The following EPHB3 variants were observed in gnomAD, a reference collection of about 807,000 sequenced individuals.
EPHB3 encodes EPH receptor B3.
Under a neutral mutation model 100.2 loss-of-function variants are expected in EPHB3, and 33 were observed. That is an observed-to-expected ratio of 0.33 (90% CI 0.25 to 0.44). EPHB3 has a LOEUF of 0.44. EPHB3 is among the 20% of genes least tolerant of loss of function. EPHB3 has a pLI of 1.00. For missense variants in EPHB3, 1,045 were observed against 1,378.3 expected, an observed-to-expected ratio of 0.76 and a Z score of 3.83; for synonymous variants, 526 against 554.7, an observed-to-expected ratio of 0.95 and a Z score of 0.73.
intron 1 of EPHB3, among the ~76,000 whole-genome samples, chr3:184,568,515 G>A (rs1431384400): frequency 2.0e-5 from 3 of 152,118 alleles, no homozygotes; most frequent in Non-Finnish European, 4.4e-5. Flanking sequence ...GCACACACAT[G>A]CACACGCCGC....
intron 1 of EPHB3, among the ~76,000 whole-genome samples, chr3:184,564,002 C>T (rs111367076): frequency 0.013 from 2,026 of 152,268 alleles, 33 homozygotes; most frequent in African/African-American, 0.046. Flanking sequence ...TCTCCCTCCC[C>T]CCTTCCCTTC....
chr3:184,562,669 C>G lies in EPHB3; in HGVS notation c.118+316C>G, dbSNP rs1714287824. Among the ~76,000 whole-genome samples, 1 of 151,864 alleles carries G rather than the reference C, an allele frequency of 6.6e-6. No homozygotes were observed. Among genetic ancestry groups the G allele is most frequent in the Non-Finnish European group, 1.5e-5 (1 of 67,934 alleles). On this transcript the variant is annotated intron_variant, in intron 1 of 15. Coordinates refer to ENST00000330394, the MANE Select transcript of EPHB3 (RefSeq NM_004443.4). This position sits in a 1 kb window ranked among gnomAD's most constrained non-coding sequence, Gnocchi z 4.8. The stretch of plus-strand genomic sequence containing the variant: ...ACACTCACGGCAGAGAAGTGGGGCT[C>G]CCGGCACCCCCCGAAGTCGAGGACG...
Position 184,581,708 on chromosome 3 carries a change from T to G in EPHB3, c.*86T>G. ...TCGGACTCTTGGACTTTTGGATGCC[T>G]GGCCTTAGGCTGTGGCCCAGAAGCT... On this transcript the variant is annotated 3_prime_UTR_variant, in exon 16 of 16. Transcript: ENST00000330394. 3 of 1,320,740 alleles carry G rather than the reference T, an allele frequency of 2.3e-6. No homozygotes were observed. Among genetic ancestry groups the G allele is most frequent in the South Asian group, 3.0e-5 (2 of 66,026 alleles). 81.8% of individuals were successfully genotyped at this position (1,320,740 alleles called of 1,614,324 possible).
chr3:184,567,930 C>G (rs551706992), intron 1 of EPHB3, among the ~76,000 whole-genome samples: 1 of 152,200 alleles, frequency 6.6e-6, no homozygotes, highest in Non-Finnish European at 1.5e-5. Flanking sequence ...CTAAGGAAGA[C>G]TAATCTGTTT....
chr3:184,582,287 C>T lies in EPHB3; in HGVS notation c.*665C>T, dbSNP rs1300262857. The T allele has an allele frequency of 7.8e-5, 12 of 153,174 alleles. No individual in the cohort carries two copies. The highest frequency in any genetic ancestry group is 2.0e-4 in the South Asian group (1 of 4,934). The allele number at this position is 153,174 out of a possible 1,614,324, so 9.5% of individuals were successfully genotyped here. A position where few individuals can be genotyped will look rare whatever the true frequency, so the allele number is the denominator to read the frequency against. ...GTGTGTGTGTGTGTGTGCGCGCGCG[C>T]GCGCGTGTGTGTGTGCACGCACTGG... On this transcript the variant is annotated 3_prime_UTR_variant, in exon 16 of 16. Coordinates refer to ENST00000330394, the MANE Select transcript of EPHB3 (RefSeq NM_004443.4).
chr3:184,576,552 T>C (rs111611525), intron 4 of EPHB3, among the ~76,000 whole-genome samples: 2,470 of 152,306 alleles, frequency 0.016, 25 homozygotes, highest in South Asian at 0.031. Flanking sequence ...ATGACCGTAA[T>C]GTACTAAGAG....
At chr3:184,568,978 C>A (rs987204695) in intron 1 of EPHB3, among the ~76,000 whole-genome samples, 1 of 152,034 alleles carries the variant, frequency 6.6e-6, no homozygotes, top group African/African-American at 2.4e-5. Context: ...CGCCGCCTCT[C>A]CGCCGTCCCC....
At position 184,569,572 on chromosome 3, in the gene EPHB3, T is replaced by C. The variant is rs1410082514; in HGVS notation, c.119-1746T>C. On this transcript the variant is annotated intron_variant, in intron 1 of 15. Transcript: ENST00000330394. The surrounding 1 kb of genome is among the most constrained non-coding windows in gnomAD (Gnocchi z 5.4). ...CTGTGTCTGTCTGTCTGTCTGTCTG[T>C]CTGCCAGAGGCCAGGATCGCTCCCC... Among the ~76,000 whole-genome samples the C allele has an allele frequency of 1.3e-5, 2 of 152,172 alleles. No individual in the cohort carries two copies. The highest frequency in any genetic ancestry group is 2.9e-5 in the Non-Finnish European group (2 of 68,028).
Position 184,568,596 on chromosome 3 carries a change from C to G in EPHB3, c.119-2722C>G, listed in dbSNP as rs952983511. Among the ~76,000 whole-genome samples, 11 of 150,930 alleles carry G rather than the reference C, an allele frequency of 7.3e-5. No individual in the cohort carries two copies. In the East Asian group the frequency reaches 1.9e-3, roughly 27 times the overall value. ...CACGGACAGATGGGTTCTATGACCC[C>G]CCCCCCACATCCCCCTCACCTCCTG... On this transcript the variant is annotated intron_variant, in intron 1 of 15. Coordinates refer to ENST00000330394, the MANE Select transcript of EPHB3 (RefSeq NM_004443.4).
rs947041339 is a variant in EPHB3 at position 184,565,025 on chromosome 3, C to T, written c.118+2672C>T. 3.3e-5 allele frequency among the ~76,000 whole-genome samples: 5 copies of T among 152,076 alleles called. No homozygotes were observed. The highest frequency in any genetic ancestry group is 7.4e-5 in the Non-Finnish European group (5 of 68,016). On this transcript the variant is annotated intron_variant, in intron 1 of 15. Coordinates refer to ENST00000330394, the MANE Select transcript of EPHB3 (RefSeq NM_004443.4). The surrounding 1 kb of genome is among the most constrained non-coding windows in gnomAD (Gnocchi z 4.8). ...AGGGTCCCTGAGCCCTGGCTGCTAC[C>T]TCTCATGTACCCCCTAGTTAGATGC...
chr3:184,580,992 G>C lies in EPHB3; in HGVS notation c.2559G>C (p.Gln853His). 6.2e-7 allele frequency: 1 copy of C among 1,612,626 alleles called. No homozygotes were observed. Among genetic ancestry groups the C allele is most frequent in the Non-Finnish European group, 8.5e-7 (1 of 1,178,804 alleles). ...CCCAGGTCATCAATGCCGTGGAGCAGGATTACCGGCTGCCACCACCCATGG... is the reference window on the plus strand; with the variant it reads ...CCCAGGTCATCAATGCCGTGGAGCACGATTACCGGCTGCCACCACCCATGG... ...SNQDVINAVE[Q>H]DYRLPPPMDC... Residue 853 changes from glutamine (Q) to histidine (H), a missense_variant, in exon 14 of 16, where the codon CAG (glutamine) becomes CAC (histidine). Gln to His is a conservative substitution (Grantham distance 24). Around this residue, in one of 2 missense-constraint regions of EPHB3, gnomAD observed 985 missense variants for 1,331.1 expected, o/e 0.74. Coordinates refer to ENST00000330394, the MANE Select transcript of EPHB3 (RefSeq NM_004443.4).
Position 184,580,721 on chromosome 3 carries a change from C to G in EPHB3, c.2389-8C>G. On this transcript the variant is annotated splice_region_variant and splice_polypyrimidine_tract_variant and intron_variant, in intron 12 of 15. Transcript: ENST00000330394. The stretch of plus-strand genomic sequence containing the variant: ...CACAGGGTGAAGGGCCTGTGCCCCC[C>G]TCACCAGGGCGGGAAGATCCCCATC... 2 of 1,613,514 alleles carry G rather than the reference C, an allele frequency of 1.2e-6. No homozygotes were observed. The highest frequency in any genetic ancestry group is 1.1e-5 in the South Asian group (1 of 91,038).
rs1714751011 is a variant in EPHB3, at chr3:184,578,931, G to A, written c.1801+465G>A. On this transcript the variant is annotated intron_variant, in intron 9 of 15. Transcript: ENST00000330394. The surrounding 1 kb of genome is among the most constrained non-coding windows in gnomAD (Gnocchi z 4.7). ...GAAGGTAGTGGGCGGGGTGGGGAAG[G>A]AGCCCAACTGTGGGGGCAGCGAGAA... Among the ~76,000 whole-genome samples the A allele has an allele frequency of 6.6e-6, 1 of 152,018 alleles. No homozygotes were observed. Among genetic ancestry groups the A allele is most frequent in the South Asian group, 2.1e-4 (1 of 4,822 alleles).
At chr3:184,570,818 A>G in intron 1 of EPHB3, among the ~76,000 whole-genome samples, 1 of 152,000 alleles carries the variant, frequency 6.6e-6, no homozygotes, top group South Asian at 2.1e-4. Context: ...AGCCTGCCCG[A>G]CCTGACATCT....
intron 11 of EPHB3, 97 bp downstream of exon 11, chr3:184,580,031 A>G: frequency 6.6e-7 from 1 of 1,522,302 alleles, no homozygotes; most frequent in East Asian, 2.3e-5. Flanking sequence ...TCAAGTCCAT[A>G]AGCATTTACT....
rs983179745 is a variant in EPHB3 at position 184,563,169 on chromosome 3, G to T, written c.118+816G>T. Among the ~76,000 whole-genome samples the T allele has an allele frequency of 5.9e-5, 9 of 152,210 alleles. No individual in the cohort carries two copies. Among genetic ancestry groups the T allele is most frequent in the African/African-American group, 1.9e-4 (8 of 41,448 alleles). On this transcript the variant is annotated intron_variant, in intron 1 of 15. Coordinates refer to ENST00000330394, the MANE Select transcript of EPHB3 (RefSeq NM_004443.4). This position sits in a 1 kb window ranked among gnomAD's most constrained non-coding sequence, Gnocchi z 4.1. ...GGATGAACAGCCCGGCGTTGTTGGC[G>T]CTGGCAGGAGAGCTCACACGCATGC...
rs1314305497 is a variant in EPHB3 at position 184,563,945 on chromosome 3, A to C, written c.118+1592A>C. On this transcript the variant is annotated intron_variant, in intron 1 of 15. Coordinates refer to ENST00000330394, the MANE Select transcript of EPHB3 (RefSeq NM_004443.4). This position sits in a 1 kb window ranked among gnomAD's most constrained non-coding sequence, Gnocchi z 4.1. ...GTGCTGGTGCTGAGTGTGGAGTGGG[A>C]GTGTGGTTTGGGTCAGGTGCACAGG... Among the ~76,000 whole-genome samples, 1 of 151,844 alleles carries C rather than the reference A, an allele frequency of 6.6e-6. No homozygotes were observed. The highest frequency in any genetic ancestry group is 1.9e-4 in the East Asian group (1 of 5,182).
Position 184,579,355 on chromosome 3 carries a change from T to G in EPHB3, c.1802-122T>G. On this transcript the variant is annotated intron_variant, in intron 9 of 15. Transcript: ENST00000330394. This position sits in a 1 kb window ranked among gnomAD's most constrained non-coding sequence, Gnocchi z 5.2. ...AGGAGTTCTCATGGGAGCTGGAGGA[T>G]TAGGGCAGCAACACAGAGGAATATG... 1 of 1,437,624 alleles carries G rather than the reference T, an allele frequency of 7.0e-7. No individual in the cohort carries two copies. The highest frequency in any genetic ancestry group is 9.4e-7 in the Non-Finnish European group (1 of 1,066,388). 89.1% of individuals were successfully genotyped at this position (1,437,624 alleles called of 1,614,324 possible).
rs546248131 is a variant in EPHB3 at position 184,579,140 on chromosome 3, G to A, written c.1802-337G>A. Among the ~76,000 whole-genome samples the A allele has an allele frequency of 3.9e-5, 6 of 152,262 alleles. No individual in the cohort carries two copies. The East Asian group carries it at 9.6e-4, about 24-fold the overall frequency. ...AAGACAGCGGTATGCAGGATAGCTCGGTGGGAAAAGTCCAGAGGCAGAGAG... is the reference window on the plus strand; with the variant it reads ...AAGACAGCGGTATGCAGGATAGCTCAGTGGGAAAAGTCCAGAGGCAGAGAG... On this transcript the variant is annotated intron_variant, in intron 9 of 15. Coordinates refer to ENST00000330394, the MANE Select transcript of EPHB3 (RefSeq NM_004443.4). The surrounding 1 kb of genome is among the most constrained non-coding windows in gnomAD (Gnocchi z 5.2).
Sources: gnomAD v4.1 joint callset for allele counts (sites outside exome capture counted in the v4.1 genomes callset) on GRCh38, gnomAD v4.1.1 for gene constraint, gnomAD v4.1.1 regional missense constraint, Gnocchi (gnomAD v3.1) non-coding constraint, MANE v1.5 for transcripts, NCBI Gene and HGNC (gene_info 2026-07-23, HGNC 2026-07-21) for gene names.